The following TTLL11 variants were observed in gnomAD, a reference collection of about 807,000 sequenced individuals.
TTLL11 encodes the protein tubulin polyglutamylase TTLL11.
In TTLL11, 42 loss-of-function variants were observed where a neutral mutation model predicts 51.7. That is an observed-to-expected ratio of 0.81 (90% CI 0.64 to 1.05). TTLL11 has a LOEUF of 1.05. Ranked by LOEUF, TTLL11 falls within the 50% of genes least tolerant of loss-of-function variation. The probability of loss-of-function intolerance (pLI) is 0.00; values close to 1 mark genes in which losing one functional copy is unlikely to be tolerated. For missense variants in TTLL11, 799 were observed against 940.4 expected (o/e 0.85, Z 1.97); for synonymous variants, 381 against 383.5 (o/e 0.99, Z 0.08).
chr9:121,849,701 C>T (rs1193785682), intron 8 of TTLL11, among the ~76,000 whole-genome samples: 1 of 152,160 alleles, frequency 6.6e-6, no homozygotes, highest in Admixed American at 6.5e-5. Context: ...TGAGGTGGCA[C>T]TATATACCTA....
At chr9:121,999,689 C>T (rs2131720230) in intron 3 of TTLL11, among the ~76,000 whole-genome samples, 1 of 152,292 alleles carries the variant, frequency 6.6e-6, no homozygotes, top group South Asian at 2.1e-4. Context: ...AAGGGTGAGC[C>T]ACATCAAACT....
At chr9:122,024,841 C>G (rs7048486) in intron 3 of TTLL11, among the ~76,000 whole-genome samples, 66,111 of 151,880 alleles carry the variant, frequency 0.44, 16,400 homozygotes, top group African/African-American at 0.68. Context: ...AAAAACATAG[C>G]AGAATATCTT....
At chr9:122,034,473 C>T (rs894932663) in intron 2 of TTLL11, among the ~76,000 whole-genome samples, 15 of 152,294 alleles carry the variant, frequency 9.8e-5, no homozygotes, top group African/African-American at 2.9e-4. Flanking sequence ...GCCTGCAGGC[C>T]GGAGGCAGCT....
At chr9:121,958,971 C>G (rs1842117904) in intron 6 of TTLL11, among the ~76,000 whole-genome samples, 1 of 53,060 alleles carries the variant, frequency 1.9e-5, no homozygotes, top group Non-Finnish European at 7.0e-5. Flanking sequence ...GCATGGGCAC[C>G]ACTTTACAAG....
At chr9:121,823,915 T>C (rs1202263751) in intron 8 of TTLL11, among the ~76,000 whole-genome samples, 1 of 152,194 alleles carries the variant, frequency 6.6e-6, no homozygotes, top group Non-Finnish European at 1.5e-5. Flanking sequence ...AAACCTTCCC[T>C]GATCCCCAGA....
chr9:121,990,612 C>A (rs955902554), intron 3 of TTLL11, among the ~76,000 whole-genome samples: 1 of 152,128 alleles, frequency 6.6e-6, no homozygotes, highest in East Asian at 1.9e-4. Context: ...CTCACTGTGT[C>A]GTTGTAAGGA....
Position 121,965,057 on chromosome 9 carries a change from C to T in TTLL11, c.1481+8952G>A, listed in dbSNP as rs115163520. Among the ~76,000 whole-genome samples the T allele has an allele frequency of 4.2e-3, 646 of 152,300 alleles. 3 individuals are homozygous for T. The highest frequency in any genetic ancestry group is 0.015 in the African/African-American group (607 of 41,560). Reference sequence around the variant, plus strand: ...ACTCGAGATAAATAAATATCTGTTTCTCTAATCCACACATGGTACAAATGA... The same window carrying T: ...ACTCGAGATAAATAAATATCTGTTTTTCTAATCCACACATGGTACAAATGA... On this transcript the variant is annotated intron_variant, in intron 6 of 8. Coordinates refer to ENST00000321582, the MANE Select transcript of TTLL11 (RefSeq NM_001139442.2).
chr9:121,882,896 C>T (rs1002608999), intron 6 of TTLL11, among the ~76,000 whole-genome samples: 2 of 152,158 alleles, frequency 1.3e-5, no homozygotes, highest in African/African-American at 2.4e-5. Context: ...AAGTTTGTGG[C>T]TTCTTTTTCC....
chr9:121,915,119 G>T (rs1164760410), intron 6 of TTLL11, among the ~76,000 whole-genome samples: 1 of 152,172 alleles, frequency 6.6e-6, no homozygotes, highest in Non-Finnish European at 1.5e-5. Flanking sequence ...GGTGGGAGGG[G>T]GAGCTGGCCA....
chr9:121,969,877 A>G (rs1250109471), intron 6 of TTLL11, among the ~76,000 whole-genome samples: 1 of 152,232 alleles, frequency 6.6e-6, no homozygotes, highest in Admixed American at 6.5e-5. Context: ...ATTCTGAAAC[A>G]TTTCTACGCA....
intron 1 of TTLL11, among the ~76,000 whole-genome samples, chr9:122,075,938 AG>A (rs1845847008): frequency 6.6e-6 from 1 of 152,164 alleles, no homozygotes; most frequent in Non-Finnish European, 1.5e-5. Flanking sequence ...TTTAGAAGGT[AG>A]AAAAAAAAAT....
At position 121,955,698 on chromosome 9, in the gene TTLL11, A is replaced by G. The variant is rs573722344; in HGVS notation, c.1481+18311T>C. On this transcript the variant is annotated intron_variant, in intron 6 of 8. Transcript: ENST00000321582. The stretch of plus-strand genomic sequence containing the variant: ...GCACAAGGCTACATCCTCATTTATA[A>G]AAGTATTGCTTTGACCTCCATTTCC... Among the ~76,000 whole-genome samples, 8 of 152,302 alleles carry G rather than the reference A, an allele frequency of 5.3e-5. No individual in the cohort carries two copies. In the East Asian group the frequency reaches 1.4e-3, roughly 26 times the overall value.
chr9:122,051,859 A>G (rs1163306293), intron 1 of TTLL11, among the ~76,000 whole-genome samples: 2 of 152,200 alleles, frequency 1.3e-5, no homozygotes, highest in Non-Finnish European at 2.9e-5. Flanking sequence ...GAGACTGGCT[A>G]TCTTGGCCTG....
chr9:122,004,911 T>G (rs1043775699), intron 3 of TTLL11, among the ~76,000 whole-genome samples: 1 of 152,120 alleles, frequency 6.6e-6, no homozygotes, highest in Non-Finnish European at 1.5e-5. Flanking sequence ...AGCACAATAC[T>G]CTCAGTGCCA....
chr9:121,839,758 C>T lies in TTLL11; in HGVS notation c.1841-16879G>A, dbSNP rs145859732. 7.0e-3 allele frequency among the ~76,000 whole-genome samples: 1,059 copies of T among 152,302 alleles called. 12 individuals carry two copies. Among genetic ancestry groups the T allele is most frequent in the African/African-American group, 0.024 (977 of 41,556 alleles). On this transcript the variant is annotated intron_variant, in intron 8 of 8. Transcript: ENST00000321582. Reference sequence around the variant, plus strand: ...CCCCGACTGTCCAGCAGTTAACTGGCGGGGCCTTCTAGAATCTCCAGAAGA... The same window carrying T: ...CCCCGACTGTCCAGCAGTTAACTGGTGGGGCCTTCTAGAATCTCCAGAAGA...
rs568754702 is a variant in TTLL11, at chr9:121,822,378, T to C, written c.*209A>G. 105 of 438,410 alleles carry C rather than the reference T, an allele frequency of 2.4e-4. No homozygotes were observed. Among genetic ancestry groups the C allele is most frequent in the African/African-American group, 2.0e-3 (98 of 49,206 alleles). 27.2% of individuals were successfully genotyped at this position (438,410 alleles called of 1,614,324 possible). ...GATGACTGATGACTCAGAAACAGGG[T>C]GTATCACCAGGAGGTGTGAGGAGGA... On this transcript the variant is annotated 3_prime_UTR_variant, in exon 9 of 9. Coordinates refer to ENST00000321582, the MANE Select transcript of TTLL11 (RefSeq NM_001139442.2). The surrounding 1 kb of genome is among the most constrained non-coding windows in gnomAD (Gnocchi z 5.8).
At chr9:121,917,101 A>G (rs1047355640) in intron 6 of TTLL11, among the ~76,000 whole-genome samples, 1 of 152,074 alleles carries the variant, frequency 6.6e-6, no homozygotes, top group Non-Finnish European at 1.5e-5. Context: ...CCTTGACAAT[A>G]CTGGTTTATG....
chr9:121,945,970 TA>T (rs1207223510), intron 6 of TTLL11, among the ~76,000 whole-genome samples: 3 of 151,936 alleles, frequency 2.0e-5, no homozygotes, highest in Non-Finnish European at 2.9e-5. Context: ...TTCGAAAATA[TA>T]AAAAAAACTC....
intron 1 of TTLL11, among the ~76,000 whole-genome samples, chr9:122,059,663 T>C (rs953565645): frequency 5.9e-5 from 9 of 152,182 alleles, no homozygotes; most frequent in Admixed American, 5.9e-4. Context: ...AAAAAATTAA[T>C]ACAAATGTGG....
Sources: allele counts gnomAD v4.1 joint callset (sites outside exome capture counted in the v4.1 genomes callset), GRCh38; gene constraint gnomAD v4.1.1; non-coding constraint Gnocchi (gnomAD v3.1); transcripts MANE v1.5; gene names NCBI Gene and HGNC (gene_info 2026-07-23, HGNC 2026-07-21).